CPLANE1: variants seen among roughly 807,000 people sequenced by gnomAD.
The protein encoded by CPLANE1 is ciliogenesis and planar polarity effector complex subunit 1.
A neutral mutation model predicts 362.5 loss-of-function variants in CPLANE1; 263 were observed. The observed-to-expected ratio is 0.73, with a 90% CI of 0.66 to 0.80. The LOEUF is 0.80. CPLANE1 is among the 30% of genes least tolerant of loss of function. The pLI is 0.00. For synonymous variants in CPLANE1, 1,212 were observed against 1,302.6 expected, an observed-to-expected ratio of 0.93 and a Z score of 1.50; for missense variants, 3,461 against 3,793.4, an observed-to-expected ratio of 0.91 and a Z score of 2.30.
At chr5:37,183,827 C>T (rs928619828) in intron 25 of CPLANE1, 128 bp from the exon 26 acceptor site, 7 of 627,744 alleles carry the variant, frequency 1.1e-5, no homozygotes, top group African/African-American at 5.6e-5. Flanking sequence ...CAATTACCTA[C>T]ATTTCAAATG....
chr5:37,138,795 A>G lies in CPLANE1; in HGVS notation c.8717T>C (p.Ile2906Thr), dbSNP rs765933233. The change falls in exon 46 of 53, where the codon ATT (isoleucine) becomes ACT (threonine). Residue 2906 changes from isoleucine (I) to threonine (T), a missense_variant. Transcript: ENST00000651892. ...MTGLTDIADI[I>T]DDLIIKDGVS... Reference sequence around the variant, plus strand: ...TCCGTCTTTAATTATAAGGTCATCAATAATGTCTGCAATATCAGTCAATCC... The same window carrying G: ...TCCGTCTTTAATTATAAGGTCATCAGTAATGTCTGCAATATCAGTCAATCC... The G allele has an allele frequency of 1.2e-6, 2 of 1,613,272 alleles. No individual in the cohort carries two copies. Among genetic ancestry groups the G allele is most frequent in the Non-Finnish European group, 1.7e-6 (2 of 1,179,592 alleles).
In CPLANE1 at chr5:37,227,798, G is replaced by T; in HGVS notation, c.1141C>A (p.Gln381Lys). Reference protein sequence around the residue: ...ITYRPQQFTFQDSNNSVDSSA... With the variant: ...ITYRPQQFTFKDSNNSVDSSA... ...GAATCAACAGAATTATTTGAATCTT[G>T]AAACGTAAACTGCTGTGGTCTAGTA... Residue 381 changes from glutamine (Q) to lysine (K), a missense_variant, in exon 10 of 53, where the codon CAA (glutamine) becomes AAA (lysine). This residue lies in a region of CPLANE1 where 3,380 missense variants were observed against 3,666.1 expected (regional missense o/e 0.92). Coordinates refer to ENST00000651892, the MANE Select transcript of CPLANE1 (RefSeq NM_001384732.1). The T allele has an allele frequency of 6.4e-7, 1 of 1,550,730 alleles. No homozygotes were observed. The highest frequency in any genetic ancestry group is 1.4e-5 in the African/African-American group (1 of 73,144).
rs1235612783 is a variant in CPLANE1 at position 37,211,069 on chromosome 5, C to G, written c.2920+2490G>C. The G allele has an allele frequency of 1.2e-5, 10 of 867,278 alleles. No homozygotes were observed. In the Admixed American group the frequency reaches 1.7e-4, roughly 15 times the overall value. The allele number at this position is 867,278 out of a possible 1,614,324, so 53.7% of individuals were successfully genotyped here. A position where few individuals can be genotyped will look rare whatever the true frequency, so the allele number is the denominator to read the frequency against. On this transcript the variant is annotated intron_variant, in intron 16 of 52. Coordinates refer to ENST00000651892, the MANE Select transcript of CPLANE1 (RefSeq NM_001384732.1). The stretch of plus-strand genomic sequence containing the variant: ...CCAAAGCAGTCTGTGATCCATCATT[C>G]TGCCAATGGATTAATAAATGGCAAC...
intron 42 of CPLANE1, among the ~76,000 whole-genome samples, chr5:37,149,166 G>A (rs528417221): frequency 3.9e-5 from 6 of 152,084 alleles, no homozygotes; most frequent in Admixed American, 2.6e-4. Flanking sequence ...TTTTCCCTGG[G>A]AGATATGTTC....
At chr5:37,125,672 T>G (rs1314737581) in intron 46 of CPLANE1, among the ~76,000 whole-genome samples, 1 of 152,222 alleles carries the variant, frequency 6.6e-6, no homozygotes, top group Non-Finnish European at 1.5e-5. Flanking sequence ...CTGAGTCTTT[T>G]CCTAACTCTC....
At chr5:37,165,488 A>T (rs912777610) in intron 36 of CPLANE1, 51 bp downstream of exon 36, 16 of 1,580,586 alleles carry the variant, frequency 1.0e-5, no homozygotes, top group Non-Finnish European at 1.4e-5. Flanking sequence ...AGACATACCA[A>T]ACTCAGTGTA....
intron 8 of CPLANE1, among the ~76,000 whole-genome samples, chr5:37,234,979 A>C (rs1241529075): frequency 6.6e-6 from 1 of 152,180 alleles, no homozygotes; most frequent in Non-Finnish European, 1.5e-5. Context: ...TAATGCTAGA[A>C]GTCCTAGTCA....
intron 47 of CPLANE1, chr5:37,124,852 G>C (rs1473533339): frequency 1.0e-6 from 1 of 990,724 alleles, no homozygotes; most frequent in African/African-American, 1.7e-5. Context: ...AACTAAGTAA[G>C]GGAGCAGGCA....
chr5:37,135,817 G>T (rs1008093534), intron 46 of CPLANE1, among the ~76,000 whole-genome samples: 16 of 151,612 alleles, frequency 1.1e-4, no homozygotes, highest in African/African-American at 2.9e-4. Context: ...GCAAAAGAGC[G>T]AGACTCTGTC....
rs747044097 is a variant in CPLANE1 at position 37,173,931 on chromosome 5, A to T, written c.5995T>A (p.Tyr1999Asn). ...SEISSAQIST[Y>N]KEKSSSVPLL... is the part of the protein sequence containing the mutation. ...GGAACTGAGGAAGATTTTTCTTTAT[A>T]TGTAGAAATCTGTGCACTGCGTGGA... The change falls in exon 32 of 53, where the codon TAT becomes AAT. Residue 1999 changes from tyrosine to asparagine, a missense_variant. Coordinates refer to ENST00000651892, the MANE Select transcript of CPLANE1 (RefSeq NM_001384732.1). 12 of 1,613,984 alleles carry T rather than the reference A, an allele frequency of 7.4e-6. No individual in the cohort carries two copies. The African/African-American group carries it at 1.6e-4, about 22-fold the overall frequency.
chr5:37,171,807 G>A (rs1292421162), intron 32 of CPLANE1, among the ~76,000 whole-genome samples: 1 of 144,354 alleles, frequency 6.9e-6, no homozygotes, highest in Non-Finnish European at 1.5e-5. Context: ...CTATCTAAAA[G>A]ACAAGGTCTC....
At chr5:37,149,552 G>A (rs899803091) in intron 42 of CPLANE1, among the ~76,000 whole-genome samples, 9 of 152,194 alleles carry the variant, frequency 5.9e-5, no homozygotes, top group South Asian at 2.1e-4. Context: ...ATAGAGGGCC[G>A]ACTGTATACT....
chr5:37,167,923 A>G (rs1425655639), intron 34 of CPLANE1, among the ~76,000 whole-genome samples: 1 of 152,252 alleles, frequency 6.6e-6, no homozygotes, highest in African/African-American at 2.4e-5. Flanking sequence ...AAATCCCTGA[A>G]GCCTTGGGAA....
At chr5:37,108,751 C>T (rs1350832909) in intron 51 of CPLANE1, among the ~76,000 whole-genome samples, 8 of 152,116 alleles carry the variant, frequency 5.3e-5, no homozygotes, top group Admixed American at 1.3e-4. Context: ...TATAACAGAA[C>T]GGTGGAGAGG....
intron 21 of CPLANE1, among the ~76,000 whole-genome samples, chr5:37,194,919 G>A (rs762645626): frequency 9.9e-5 from 15 of 151,632 alleles, no homozygotes; most frequent in African/African-American, 2.9e-4. Context: ...TTGGGAGGCC[G>A]AGGCAGGTGG....
chr5:37,188,368 A>G (rs752127217), intron 21 of CPLANE1, among the ~76,000 whole-genome samples: 9 of 152,212 alleles, frequency 5.9e-5, no homozygotes, highest in Non-Finnish European at 1.3e-4. Context: ...CATGTGACCA[A>G]TTAAGTGAAA....
intron 43 of CPLANE1, among the ~76,000 whole-genome samples, chr5:37,144,010 A>G (rs920553945): frequency 1.3e-5 from 2 of 151,948 alleles, no homozygotes; most frequent in Non-Finnish European, 2.9e-5. Flanking sequence ...TTTAGAGAGA[A>G]AAGAAAAAAT....
chr5:37,229,158 A>G (rs1223311765), intron 9 of CPLANE1, among the ~76,000 whole-genome samples: 3 of 146,752 alleles, frequency 2.0e-5, no homozygotes, highest in Non-Finnish European at 4.5e-5. Flanking sequence ...TGGTGGTTGC[A>G]GTAAGCCGAG....
At chr5:37,140,411 A>AT in intron 44 of CPLANE1, 1 of 984,922 alleles carries the variant, frequency 1.0e-6, no homozygotes, top group Non-Finnish European at 1.2e-6. Context: ...GAATCTGGGC[A>AT]TTTGTGGGTT....
Sources: gnomAD v4.1 joint callset for allele counts (sites outside exome capture counted in the v4.1 genomes callset) on GRCh38, gnomAD v4.1.1 for gene constraint, gnomAD v4.1.1 regional missense constraint, MANE v1.5 for transcripts, NCBI Gene and HGNC (gene_info 2026-07-23, HGNC 2026-07-21) for gene names.